USP19: variants seen among roughly 807,000 people sequenced by gnomAD.
USP19 encodes the protein ubiquitin specific peptidase 19.
A neutral mutation model predicts 144.8 loss-of-function variants in USP19; 40 were observed. The observed-to-expected ratio is 0.28, with a 90% CI of 0.21 to 0.36. The LOEUF (loss-of-function observed/expected upper bound fraction) is 0.36. Among genes scored for constraint, USP19 ranks in the 10% least tolerant of loss-of-function variants. USP19 has a pLI of 1.00. For missense variants in USP19, 1,518 were observed against 1,822.5 expected (o/e 0.83, Z 3.04); for synonymous variants, 701 against 709.3 (o/e 0.99, Z 0.19).
chr3:49,116,501 G>A lies in USP19; in HGVS notation c.1233C>T (p.Thr411=). 1 of 1,614,214 alleles carries A rather than the reference G, an allele frequency of 6.2e-7. No homozygotes were observed. The highest frequency in any genetic ancestry group is 8.5e-7 in the Non-Finnish European group (1 of 1,180,044). Residue 411 remains threonine (T), a synonymous_variant, in exon 8 of 27, where the codon ACC becomes ACT. Coordinates refer to ENST00000417901, the MANE Select transcript of USP19 (RefSeq NM_001199161.2). This position sits in a 1 kb window ranked among gnomAD's most constrained non-coding sequence, Gnocchi z 5.0. ...HVYVKEICRD[T]SRVLFREQDF... The stretch of plus-strand genomic sequence containing the variant: ...CCTGCTCACGGAAAAGTACTCTTGA[G>A]GTGTCCCTGCAGATCTCCTTCACGT...
chr3:49,111,959 G>C lies in USP19; in HGVS notation c.2855C>G (p.Ser952Ter). ...GYPFLVSVPA[S>*]RLTYARLAQL... is the part of the protein sequence containing the mutation. Reference sequence around the variant, plus strand: ...AGCGAGGCGGGCATAAGTGAGGCGTGAGGCAGGTACACTGACCAGGAAGGG... The same window carrying C: ...AGCGAGGCGGGCATAAGTGAGGCGTCAGGCAGGTACACTGACCAGGAAGGG... The change falls in exon 20 of 27, where the codon TCA becomes TGA. Residue 952 changes from serine (S) to a stop codon, truncating the protein, a stop_gained. Transcript: ENST00000417901. LOFTEE classifies it high-confidence loss of function. This position sits in a 1 kb window ranked among gnomAD's most constrained non-coding sequence, Gnocchi z 5.9. 6.2e-7 allele frequency: 1 copy of C among 1,614,090 alleles called. No individual in the cohort carries two copies. Among genetic ancestry groups the C allele is most frequent in the South Asian group, 1.1e-5 (1 of 91,088 alleles).
At position 49,108,520 on chromosome 3, in the gene USP19, G is replaced by GCCTA; in HGVS notation, c.4043_4046dup (p.Pro1350ArgfsTer16). Reference sequence around the variant, plus strand: ...GGGCCACCTCGGGGGCCTGGCCAGGGCCTAGTCCCTGCAACAGAATACGAG... The same window carrying GCCTA: ...GGGCCACCTCGGGGGCCTGGCCAGGGCCTACCTAGTCCCTGCAACAGAATACGAG... On this transcript the variant is annotated frameshift_variant, in exon 27 of 27. Transcript: ENST00000417901. LOFTEE classifies it high-confidence loss of function. This position sits in a 1 kb window ranked among gnomAD's most constrained non-coding sequence, Gnocchi z 4.8. 3 of 1,251,918 alleles carry GCCTA rather than the reference G, an allele frequency of 2.4e-6. No homozygotes were observed. The highest frequency in any genetic ancestry group is 3.1e-6 in the Non-Finnish European group (3 of 975,474). The allele number at this position is 1,251,918 out of a possible 1,614,324, so 77.6% of individuals were successfully genotyped here.
At chr3:49,118,305 C>T (rs960309030) in intron 2 of USP19, among the ~76,000 whole-genome samples, 185 bp from the exon 3 acceptor site, 4 of 150,966 alleles carry the variant, frequency 2.6e-5, no homozygotes, top group South Asian at 2.1e-4. Flanking sequence ...CGGTGGTTCA[C>T]GCCTGCAATC....
Position 49,108,460 on chromosome 3 carries a change from AG to A in USP19, c.4106del (p.Pro1369LeufsTer55). ...TRTAPERFAP[P>X]VDRPAPTYSN... ...TGTAGGTGGGGGCTGGCCGATCCAC[AG>A]GGGGGGCGAAGCGTTCAGGGGCTGT... On this transcript the variant is annotated frameshift_variant, in exon 27 of 27. Transcript: ENST00000417901. LOFTEE classifies it high-confidence loss of function. The surrounding 1 kb of genome is among the most constrained non-coding windows in gnomAD (Gnocchi z 4.8). The A allele has an allele frequency of 3.0e-5, 41 of 1,346,340 alleles. No individual in the cohort carries two copies. The highest frequency in any genetic ancestry group is 6.3e-5 in the East Asian group (2 of 31,676). 83.4% of individuals were successfully genotyped at this position (1,346,340 alleles called of 1,614,324 possible). A position where few individuals can be genotyped will look rare whatever the true frequency, so the allele number is the denominator to read the frequency against.
chr3:49,117,724 T>A lies in USP19; in HGVS notation c.405A>T (p.Val135=). 1 of 1,614,184 alleles carries A rather than the reference T, an allele frequency of 6.2e-7. No homozygotes were observed. Among genetic ancestry groups the A allele is most frequent in the African/African-American group, 1.3e-5 (1 of 75,040 alleles). The change falls in exon 4 of 27, where the codon GTA becomes GTT. Residue 135 remains valine, a synonymous_variant. Coordinates refer to ENST00000417901, the MANE Select transcript of USP19 (RefSeq NM_001199161.2). This position sits in a 1 kb window ranked among gnomAD's most constrained non-coding sequence, Gnocchi z 4.4. ...CTACATCCTCCAGCTGCAGGGGACC[T>A]ACTCCCACACGAAGCTTGACAATCA... ...EEVIVKLRVG[V]GPLQLEDVDA...
Position 49,115,908 on chromosome 3 carries a change from C to T in USP19, c.1508G>A (p.Gly503Asp), listed in dbSNP as rs960028406. 2 of 1,567,590 alleles carry T rather than the reference C, an allele frequency of 1.3e-6. No individual in the cohort carries two copies. The highest frequency in any genetic ancestry group is 8.6e-7 in the Non-Finnish European group (1 of 1,158,276). Residue 503 changes from glycine (G) to aspartate (D), a missense_variant, in exon 11 of 27, where the codon GGT (glycine) becomes GAT (aspartate). Gly to Asp is a moderately conservative substitution (Grantham distance 94). This residue lies in a region of USP19 where 707 missense variants were observed against 728.9 expected (regional missense o/e 0.97). Coordinates refer to ENST00000417901, the MANE Select transcript of USP19 (RefSeq NM_001199161.2). This position sits in a 1 kb window ranked among gnomAD's most constrained non-coding sequence, Gnocchi z 6.6. ...TGGGGTTGAATCCAGAGGGGTTGGA[C>T]CTGTCGGCACGGCAACCTTTGCACC... The part of the protein sequence containing the change: ...VGGAKVAVPT[G>D]PTPLDSTPPG...
Position 49,115,211 on chromosome 3 carries a change from CAG to C in USP19, c.2022+15_2022+16del. On this transcript the variant is annotated intron_variant, in intron 13 of 26. Transcript: ENST00000417901. The surrounding 1 kb of genome is among the most constrained non-coding windows in gnomAD (Gnocchi z 6.6). ...CCCCGCCCCCTCCAGCCAAGGGTGA[CAG>C]TGGTCACAGATCACCTTCAACTTGG... 1 of 1,613,640 alleles carries C rather than the reference CAG, an allele frequency of 6.2e-7. No homozygotes were observed. The highest frequency in any genetic ancestry group is 8.5e-7 in the Non-Finnish European group (1 of 1,179,912).
chr3:49,108,668 C>A lies in USP19; in HGVS notation c.4039-140G>T. 7.8e-7 allele frequency: 1 copy of A among 1,287,678 alleles called. No homozygotes were observed. Among genetic ancestry groups the A allele is most frequent in the Non-Finnish European group, 9.8e-7 (1 of 1,017,252 alleles). The allele number at this position is 1,287,678 out of a possible 1,614,324, so 79.8% of individuals were successfully genotyped here. A position where few individuals can be genotyped will look rare whatever the true frequency, so the allele number is the denominator to read the frequency against. ...CAGCAGCGGCGTTGAGACAGAGAGA[C>A]GAGATTGGGCCTGAATAGTCTGGTT... On this transcript the variant is annotated intron_variant, in intron 26 of 26. Transcript: ENST00000417901. The surrounding 1 kb of genome is among the most constrained non-coding windows in gnomAD (Gnocchi z 4.8).
chr3:49,117,062 G>A lies in USP19; in HGVS notation c.906C>T (p.Thr302=). The part of the protein sequence containing the change: ...DAPPFVADPA[T]QVEADEQLCI... ...CAAACAGGTGCCCAGCTCTCACCTG[G>A]GTGGCTGGGTCAGCCACGAAGGGTG... The change falls in exon 6 of 27, where the codon ACC becomes ACT. Residue 302 remains threonine, a synonymous_variant. Transcript: ENST00000417901. The surrounding 1 kb of genome is among the most constrained non-coding windows in gnomAD (Gnocchi z 4.4). 6.6e-7 allele frequency: 1 copy of A among 1,517,048 alleles called. No individual in the cohort carries two copies. Among genetic ancestry groups the A allele is most frequent in the Non-Finnish European group, 8.9e-7 (1 of 1,128,206 alleles). The allele number at this position is 1,517,048 out of a possible 1,614,324, so 94.0% of individuals were successfully genotyped here.
At chr3:49,109,157 G>A in intron 26 of USP19, 1 of 1,503,820 alleles carries the variant, frequency 6.6e-7, no homozygotes, top group Non-Finnish European at 8.9e-7. Flanking sequence ...CTCCTCCTCA[G>A]CCTCCAGCTC....
chr3:49,118,981 G>A (rs752730219), intron 2 of USP19, 41 bp downstream of exon 2: 50 of 1,612,952 alleles, frequency 3.1e-5, no homozygotes, highest in Non-Finnish European at 3.8e-5. Context: ...TAAGATGGGA[G>A]GCAGAGAAGG....
At position 49,111,630 on chromosome 3, in the gene USP19, A is replaced by G; in HGVS notation, c.3087T>C (p.Leu1029=). 1 of 1,608,926 alleles carries G rather than the reference A, an allele frequency of 6.2e-7. No individual in the cohort carries two copies. The highest frequency in any genetic ancestry group is 8.5e-7 in the Non-Finnish European group (1 of 1,177,674). The change falls in exon 21 of 27, where the codon CTT becomes CTC. Residue 1029 remains leucine (L), a synonymous_variant. Transcript: ENST00000417901. The surrounding 1 kb of genome is among the most constrained non-coding windows in gnomAD (Gnocchi z 5.9). ...VTPMAEGDTG[L]PRVWAAPDRG... ...GGTCAGGGGCTGCCCACACCCGGGG[A>G]AGCCCTGTGTCCCCCTCAGCCATAG... is the stretch of plus-strand genomic sequence containing the variant.
In USP19 at chr3:49,117,914, T is replaced by C; in HGVS notation, c.298+33A>G. 2 of 1,612,788 alleles carry C rather than the reference T, an allele frequency of 1.2e-6. No homozygotes were observed. The highest frequency in any genetic ancestry group is 1.7e-6 in the Non-Finnish European group (2 of 1,179,690). On this transcript the variant is annotated intron_variant, in intron 3 of 26. Coordinates refer to ENST00000417901, the MANE Select transcript of USP19 (RefSeq NM_001199161.2). The surrounding 1 kb of genome is among the most constrained non-coding windows in gnomAD (Gnocchi z 4.4). ...CCAAATTGCAAGTGCCCCCTCCCCTTCCCTAGCAACAAAAAGCCCATTCGT... is the reference window on the plus strand; with the variant it reads ...CCAAATTGCAAGTGCCCCCTCCCCTCCCCTAGCAACAAAAAGCCCATTCGT...
In USP19 at chr3:49,116,949, A is replaced by G; in HGVS notation, c.910-6T>C. 6.2e-7 allele frequency: 1 copy of G among 1,612,474 alleles called. No homozygotes were observed. Among genetic ancestry groups the G allele is most frequent in the Non-Finnish European group, 8.5e-7 (1 of 1,179,226 alleles). ...AGCTGTTCATCAGCCTCAACCTATTAATGGCAAGATTGTGGAAAGAATCAG... is the reference window on the plus strand; with the variant it reads ...AGCTGTTCATCAGCCTCAACCTATTGATGGCAAGATTGTGGAAAGAATCAG... On this transcript the variant is annotated splice_polypyrimidine_tract_variant and splice_region_variant and intron_variant, in intron 6 of 26. Transcript: ENST00000417901. This position sits in a 1 kb window ranked among gnomAD's most constrained non-coding sequence, Gnocchi z 5.0.
Position 49,112,512 on chromosome 3 carries a change from C to A in USP19, c.2623G>T (p.Val875Leu). ...ACCTGTTGCACCTCTAGCACCACTACCCGCTCCTTAGCCAACTCTGAGGAT... is the reference window on the plus strand; with the variant it reads ...ACCTGTTGCACCTCTAGCACCACTAACCGCTCCTTAGCCAACTCTGAGGAT... ...LLSSELAKER[V>L]VVLEVQQRPQ... The change falls in exon 18 of 27, where the codon GTA (valine) becomes TTA (leucine). Residue 875 changes from valine (V) to leucine (L), a missense_variant. Val to Leu is a conservative substitution (Grantham distance 32, BLOSUM62 1). This residue lies in a region of USP19 where 413 missense variants were observed against 515.8 expected (regional missense o/e 0.80). Coordinates refer to ENST00000417901, the MANE Select transcript of USP19 (RefSeq NM_001199161.2). This position sits in a 1 kb window ranked among gnomAD's most constrained non-coding sequence, Gnocchi z 4.9. The A allele has an allele frequency of 6.2e-7, 1 of 1,613,946 alleles. No homozygotes were observed. Among genetic ancestry groups the A allele is most frequent in the Non-Finnish European group, 8.5e-7 (1 of 1,179,882 alleles).
chr3:49,113,433 C>T (rs902280229), intron 17 of USP19, among the ~76,000 whole-genome samples: 48 of 151,890 alleles, frequency 3.2e-4, no homozygotes, highest in African/African-American at 1.1e-3. Context: ...TGTGCCACCA[C>T]GCCCGGCTAA....
rs368979103 is a variant in USP19 at position 49,111,861 on chromosome 3, G to A, written c.2904-48C>T. On this transcript the variant is annotated intron_variant, in intron 20 of 26. Transcript: ENST00000417901. This position sits in a 1 kb window ranked among gnomAD's most constrained non-coding sequence, Gnocchi z 5.9. ...GTAAGACTCCTGACCAGCCCATCTAGCACCTCTGCCCCCACCTACACCACT... is the reference window on the plus strand; with the variant it reads ...GTAAGACTCCTGACCAGCCCATCTAACACCTCTGCCCCCACCTACACCACT... 6.2e-7 allele frequency: 1 copy of A among 1,603,914 alleles called. No homozygotes were observed. Among genetic ancestry groups the A allele is most frequent in the East Asian group, 2.2e-5 (1 of 44,708 alleles).
chr3:49,117,575 G>C lies in USP19; in HGVS notation c.473-5C>G. 1.2e-6 allele frequency: 2 copies of C among 1,614,060 alleles called. No individual in the cohort carries two copies. Among genetic ancestry groups the C allele is most frequent in the South Asian group, 2.2e-5 (2 of 91,088 alleles). ...CACCACCCCACTGCTGACCACCTGG[G>C]GACAGAGCAGGGTCCATGAGGTAGG... On this transcript the variant is annotated splice_polypyrimidine_tract_variant and splice_region_variant and intron_variant, in intron 4 of 26. Coordinates refer to ENST00000417901, the MANE Select transcript of USP19 (RefSeq NM_001199161.2). The surrounding 1 kb of genome is among the most constrained non-coding windows in gnomAD (Gnocchi z 4.4).
Position 49,116,383 on chromosome 3 carries a change from C to A in USP19, c.1284-32G>T. ...AGGCACAGCAGGATAGGAGGAAGGA[C>A]AAGAGGAAGAGCATGAGACATACTG... On this transcript the variant is annotated intron_variant, in intron 8 of 26. Coordinates refer to ENST00000417901, the MANE Select transcript of USP19 (RefSeq NM_001199161.2). The surrounding 1 kb of genome is among the most constrained non-coding windows in gnomAD (Gnocchi z 5.0). 6.2e-7 allele frequency: 1 copy of A among 1,614,038 alleles called. No homozygotes were observed. The highest frequency in any genetic ancestry group is 1.3e-5 in the African/African-American group (1 of 75,028).
Sources: allele counts gnomAD v4.1 joint callset (sites outside exome capture counted in the v4.1 genomes callset), GRCh38; gene constraint gnomAD v4.1.1; regional missense constraint gnomAD v4.1.1; non-coding constraint Gnocchi (gnomAD v3.1); transcripts MANE v1.5; gene names NCBI Gene and HGNC (gene_info 2026-07-23, HGNC 2026-07-21).